Variants in RIC8B observed in about 807,000 individuals in gnomAD.
The protein encoded by RIC8B is RIC8 guanine nucleotide exchange factor B.
RIC8B carries 16 observed loss-of-function variants against 57.5 expected under a neutral mutation model. The ratio of observed to expected loss-of-function variants is 0.28; its 90% confidence interval spans 0.19 to 0.42. The LOEUF is 0.42. RIC8B is among the 10% of genes least tolerant of loss of function. The pLI is 1.00. For synonymous variants in RIC8B, 216 were observed against 250.8 expected (o/e 0.86, Z 1.31); for missense variants, 481 against 677.0 (o/e 0.71, Z 3.21).
chr12:106,838,795 T>C (rs1489265101), intron 4 of RIC8B, among the ~76,000 whole-genome samples: 1 of 151,708 alleles, frequency 6.6e-6, no homozygotes, highest in Non-Finnish European at 1.5e-5. Flanking sequence ...AAGAGGTTAA[T>C]ATCTAAAACC....
chr12:106,827,227 C>G (rs2046145186), intron 4 of RIC8B, among the ~76,000 whole-genome samples: 1 of 152,148 alleles, frequency 6.6e-6, no homozygotes, highest in Non-Finnish European at 1.5e-5. Context: ...TTTACAATAA[C>G]AAGAGTTCTG....
chr12:106,825,819 A>G lies in RIC8B; in HGVS notation c.835A>G (p.Ser279Gly). ...PTEDKTEELHSNAVNLLSNVP... is the reference protein window; with the variant it reads ...PTEDKTEELHGNAVNLLSNVP... The stretch of plus-strand genomic sequence containing the variant: ...TGAAGACAAAACAGAAGAGCTACAC[A>G]GGTGGGTAAGCTCTGTATTGATATC... The change falls in exon 4 of 10, where the codon AGC becomes GGC. Residue 279 changes from serine to glycine, a missense_variant and splice_region_variant. By Grantham distance (56) the Ser-to-Gly change is moderately conservative. This residue lies in a region of RIC8B where 421 missense variants were observed against 560.9 expected (regional missense o/e 0.75). Transcript: ENST00000392837. 3.1e-6 allele frequency: 5 copies of G among 1,598,852 alleles called. No homozygotes were observed. Among genetic ancestry groups the G allele is most frequent in the Non-Finnish European group, 4.3e-6 (5 of 1,166,026 alleles).
chr12:106,833,374 G>A (rs1017709821), intron 4 of RIC8B, among the ~76,000 whole-genome samples: 1 of 152,124 alleles, frequency 6.6e-6, no homozygotes. Flanking sequence ...GGCTGAGGTG[G>A]GCAGATCACT....
intron 9 of RIC8B, among the ~76,000 whole-genome samples, chr12:106,878,285 G>A (rs1950760051): frequency 6.6e-6 from 1 of 152,058 alleles, no homozygotes; most frequent in African/African-American, 2.4e-5. Context: ...AACTGAACAT[G>A]TTTACCAGTC....
chr12:106,876,759 A>C (rs1257947250), intron 9 of RIC8B, among the ~76,000 whole-genome samples: 7 of 152,144 alleles, frequency 4.6e-5, no homozygotes, highest in Non-Finnish European at 1.5e-5. Flanking sequence ...GAGGAACATC[A>C]AATAAGAATC....
At chr12:106,846,541 G>A (rs1368039767) in intron 6 of RIC8B, among the ~76,000 whole-genome samples, 1 of 152,088 alleles carries the variant, frequency 6.6e-6, no homozygotes, top group Non-Finnish European at 1.5e-5. Context: ...ATTTAGGCAA[G>A]ATTAATTAAT....
intron 1 of RIC8B, among the ~76,000 whole-genome samples, chr12:106,781,551 A>G (rs1190899676): frequency 6.6e-6 from 1 of 152,180 alleles, no homozygotes; most frequent in East Asian, 1.9e-4. Flanking sequence ...TCCAGATTCA[A>G]TTTGTAGTGC....
At chr12:106,801,838 C>A (rs2044746164) in intron 2 of RIC8B, among the ~76,000 whole-genome samples, 1 of 152,146 alleles carries the variant, frequency 6.6e-6, no homozygotes, top group Non-Finnish European at 1.5e-5. Flanking sequence ...AACATTGTCC[C>A]AACTACAGTT....
chr12:106,830,896 TC>T (rs1045423165), intron 4 of RIC8B, among the ~76,000 whole-genome samples: 43 of 152,264 alleles, frequency 2.8e-4, no homozygotes, highest in African/African-American at 1.0e-3. Context: ...TTTAGTAGTT[TC>T]CCAGTAAATT....
intron 2 of RIC8B, among the ~76,000 whole-genome samples, chr12:106,806,199 G>A (rs988067891): frequency 1.3e-5 from 2 of 152,056 alleles, no homozygotes; most frequent in Admixed American, 6.5e-5. Context: ...CGCCCACCTC[G>A]GCCTCCCAAA....
chr12:106,833,314 A>G (rs2046440523), intron 4 of RIC8B, among the ~76,000 whole-genome samples: 2 of 152,192 alleles, frequency 1.3e-5, no homozygotes. Flanking sequence ...AACTTTCAAA[A>G]TTATCAGCTG....
chr12:106,846,684 C>T (rs1244352947), intron 6 of RIC8B, among the ~76,000 whole-genome samples: 1 of 144,510 alleles, frequency 6.9e-6, no homozygotes, highest in Admixed American at 7.0e-5. Flanking sequence ...CCAGGTACAC[C>T]TAAACTGTTT....
chr12:106,840,076 G>A (rs531659057), intron 4 of RIC8B, among the ~76,000 whole-genome samples: 8 of 152,104 alleles, frequency 5.3e-5, no homozygotes, highest in East Asian at 3.9e-4. Flanking sequence ...TTTAAGATTC[G>A]TTTACATAGA....
chr12:106,818,045 A>G (rs892128436), intron 3 of RIC8B, among the ~76,000 whole-genome samples: 2 of 152,260 alleles, frequency 1.3e-5, no homozygotes, highest in Admixed American at 6.5e-5. Flanking sequence ...AACTTTTAAA[A>G]TAAACATTTT....
intron 7 of RIC8B, among the ~76,000 whole-genome samples, chr12:106,858,311 G>T (rs1194003373): frequency 6.6e-6 from 1 of 151,910 alleles, no homozygotes; most frequent in Non-Finnish European, 1.5e-5. Context: ...AAACCTCCTT[G>T]TTTGTTAAAA....
At chr12:106,854,711 C>T (rs1949641114) in intron 7 of RIC8B, among the ~76,000 whole-genome samples, 1 of 152,102 alleles carries the variant, frequency 6.6e-6, no homozygotes, top group South Asian at 2.1e-4. Flanking sequence ...ATCACTTGAA[C>T]CCGGGAGGTG....
At chr12:106,825,205 C>G (rs1311199242) in intron 3 of RIC8B, among the ~76,000 whole-genome samples, 2 of 152,202 alleles carry the variant, frequency 1.3e-5, no homozygotes, top group Non-Finnish European at 2.9e-5. Flanking sequence ...TTTAATACCA[C>G]TGCCAATGAG....
At chr12:106,880,357 A>G (rs1238769441) in intron 9 of RIC8B, among the ~76,000 whole-genome samples, 2 of 152,152 alleles carry the variant, frequency 1.3e-5, no homozygotes, top group South Asian at 2.1e-4. Flanking sequence ...CAGCTTTTTA[A>G]ATAGATCAAA....
chr12:106,774,957 G>T (rs1181608488), intron 1 of RIC8B, 128 bp downstream of exon 1: 1 of 698,388 alleles, frequency 1.4e-6, no homozygotes, highest in Non-Finnish European at 2.4e-6. Context: ...AACGTTTCCG[G>T]CTTGGGCATG....
Sources: gnomAD v4.1 joint callset for allele counts (sites outside exome capture counted in the v4.1 genomes callset) on GRCh38, gnomAD v4.1.1 for gene constraint, gnomAD v4.1.1 regional missense constraint, MANE v1.5 for transcripts, NCBI Gene and HGNC (gene_info 2026-07-23, HGNC 2026-07-21) for gene names.